IL1RN: variants seen among roughly 807,000 people sequenced by gnomAD.
IL1RN encodes the protein interleukin-1 receptor antagonist protein.
In IL1RN, 10 loss-of-function variants were observed where a neutral mutation model predicts 13.7. The ratio of observed to expected loss-of-function variants is 0.73; its 90% CI spans 0.45 to 1.24. The LOEUF (loss-of-function observed/expected upper bound fraction) is 1.24, where lower values mean the gene tolerates loss of function less well. Ranked by LOEUF, IL1RN falls within the 50% of genes most tolerant of loss-of-function variation. The pLI, the probability that IL1RN is intolerant of heterozygous loss-of-function variation, is 0.00. For missense variants in IL1RN, 213 were observed against 222.1 expected, an observed-to-expected ratio of 0.96 and a Z score of 0.26; for synonymous variants, 102 against 82.7, an observed-to-expected ratio of 1.23 and a Z score of -1.27.
At chr2:113,115,954 C>G (rs1194842159), upstream of IL1RN, among the ~76,000 whole-genome samples, 1 of 152,228 alleles carries the variant, frequency 6.6e-6, no homozygotes, top group Admixed American at 6.5e-5. Context: ...AGGCCCCTAG[C>G]TCCCCAGGGA....
chr2:113,123,669 T>C (rs1030897259), upstream of IL1RN, among the ~76,000 whole-genome samples: 6 of 152,154 alleles, frequency 3.9e-5, no homozygotes, highest in Non-Finnish European at 8.8e-5. Flanking sequence ...CAGCAGTCAG[T>C]AAAAAGGATT....
upstream of IL1RN, among the ~76,000 whole-genome samples, chr2:113,124,654 C>A (rs577068186): frequency 6.6e-6 from 1 of 152,178 alleles, no homozygotes; most frequent in Non-Finnish European, 1.5e-5. Flanking sequence ...CATGATTCAT[C>A]ACGTGCAGCA....
intron 2 of IL1RN, among the ~76,000 whole-genome samples, chr2:113,130,467 C>T (rs1289478975): frequency 6.6e-6 from 1 of 152,252 alleles, no homozygotes; most frequent in Non-Finnish European, 1.5e-5. Flanking sequence ...TGGAGCCCCA[C>T]TCATGGCCTT....
chr2:113,102,910 T>A (rs1412619768), upstream of IL1RN, among the ~76,000 whole-genome samples: 1 of 152,232 alleles, frequency 6.6e-6, no homozygotes, highest in East Asian at 1.9e-4. Flanking sequence ...GATGTATATG[T>A]GCAGGTCACA....
At chr2:113,131,429 T>A (rs431726) in intron 3 of IL1RN, among the ~76,000 whole-genome samples, 2 of 152,014 alleles carry the variant, frequency 1.3e-5, no homozygotes, top group African/African-American at 4.8e-5. Flanking sequence ...GCATGGCGGC[T>A]GACTTCCAAA....
intron 2 of IL1RN, among the ~76,000 whole-genome samples, chr2:113,120,795 CA>C (rs1686745717): frequency 6.6e-6 from 1 of 152,142 alleles, no homozygotes; most frequent in Admixed American, 6.5e-5. Flanking sequence ...ACCATAAGAA[CA>C]AATATAATTC....
At chr2:113,121,902 C>T (rs972298245) in intron 2 of IL1RN, among the ~76,000 whole-genome samples, 4 of 152,236 alleles carry the variant, frequency 2.6e-5, no homozygotes, top group Non-Finnish European at 4.4e-5. Flanking sequence ...AAAAAGAAGA[C>T]ATCAGATTAT....
At chr2:113,126,436 T>A (rs1386167330), upstream of IL1RN, among the ~76,000 whole-genome samples, 1 of 152,184 alleles carries the variant, frequency 6.6e-6, no homozygotes. Context: ...ACAGGATGAT[T>A]GCCAAGCTCC....
chr2:113,121,438 C>T, intron 2 of IL1RN: 1 of 985,262 alleles, frequency 1.0e-6, no homozygotes, highest in Non-Finnish European at 1.2e-6. Context: ...CCATTTCCTC[C>T]TGTCTGCAGG....
At chr2:113,114,104 G>A (rs1686548131), upstream of IL1RN, among the ~76,000 whole-genome samples, 1 of 152,240 alleles carries the variant, frequency 6.6e-6, no homozygotes, top group African/African-American at 2.4e-5. Context: ...GTGACAGGAA[G>A]TGCAGCCAGA....
upstream of IL1RN, among the ~76,000 whole-genome samples, chr2:113,114,411 CG>C (rs954036163): frequency 4.2e-4 from 11 of 26,082 alleles, no homozygotes; most frequent in African/African-American, 1.2e-3. Flanking sequence ...AGCTGCCCAC[CG>C]TTAAGTCCAG....
rs1207253014 is a variant in IL1RN at position 113,132,978 on chromosome 2, T to C, written c.*107T>C. 1.8e-5 allele frequency: 19 copies of C among 1,071,572 alleles called. No homozygotes were observed. The highest frequency in any genetic ancestry group is 4.8e-4 in the Middle Eastern group (2 of 4,140). The allele number at this position is 1,071,572 out of a possible 1,614,324, so 66.4% of individuals were successfully genotyped here. On this transcript the variant is annotated 3_prime_UTR_variant, in exon 4 of 4. Coordinates refer to ENST00000409930, the MANE Select transcript of IL1RN (RefSeq NM_173842.3). ...CTATGGGGGCACTGAGGACCAGCCA[T>C]TGAGGGGTGGACCCTCAGAAGGCGT...
upstream of IL1RN, among the ~76,000 whole-genome samples, chr2:113,113,505 C>T (rs974344619): frequency 6.6e-6 from 1 of 152,064 alleles, no homozygotes; most frequent in Non-Finnish European, 1.5e-5. Context: ...ATTAATATAT[C>T]ACATAGTACC....
At chr2:113,132,506 C>T in intron 3 of IL1RN, 150 bp from the exon 4 acceptor site, 1 of 694,982 alleles carries the variant, frequency 1.4e-6, no homozygotes. Flanking sequence ...GAATGGCAGA[C>T]AGGAGCACCT....
chr2:113,127,872 T>G, intron 1 of IL1RN, 132 bp downstream of exon 1: 1 of 837,336 alleles, frequency 1.2e-6, no homozygotes, highest in South Asian at 1.4e-5. Context: ...TGTCCATTAT[T>G]CAAGAAAGAG....
chr2:113,099,899 T>A, the IL1RN span, among the ~76,000 whole-genome samples: 2 of 111,488 alleles, frequency 1.8e-5, no homozygotes, highest in African/African-American at 5.5e-5. Context: ...CACGCCCGGC[T>A]AATTTTTTGT....
upstream of IL1RN, among the ~76,000 whole-genome samples, chr2:113,108,649 G>C (rs1285180772): frequency 2.0e-5 from 3 of 152,024 alleles, no homozygotes; most frequent in African/African-American, 7.3e-5. Flanking sequence ...CAGGCCCAAG[G>C]GAATAATAGG....
chr2:113,127,803 AGCTGCCAGGG>A, intron 1 of IL1RN, 63 bp downstream of exon 1: 2 of 1,549,464 alleles, frequency 1.3e-6, no homozygotes, highest in Non-Finnish European at 8.9e-7. Context: ...AACATATCAC[AGCTGCCAGGG>A]GCTGCCAGGC....
At position 113,132,559 on chromosome 2, in the gene IL1RN, G is replaced by A. The variant is rs551754072; in HGVS notation, c.319-97G>A. On this transcript the variant is annotated intron_variant, in intron 3 of 3. Coordinates refer to ENST00000409930, the MANE Select transcript of IL1RN (RefSeq NM_173842.3). ...GGCATTTCCCCTGTACTAACTCTGG[G>A]CTGTCCAGAGGGCCATTTCATGGCG... 169 of 1,114,552 alleles carry A rather than the reference G, an allele frequency of 1.5e-4. 1 individual carries two copies. The highest frequency in any genetic ancestry group is 1.5e-4 in the Non-Finnish European group (111 of 736,908). The allele number at this position is 1,114,552 out of a possible 1,614,324, so 69.0% of individuals were successfully genotyped here.
Sources: gnomAD v4.1 joint callset for allele counts (sites outside exome capture counted in the v4.1 genomes callset) on GRCh38, gnomAD v4.1.1 for gene constraint, MANE v1.5 for transcripts, NCBI Gene and HGNC (gene_info 2026-07-23, HGNC 2026-07-21) for gene names.